The following FNBP4 variants were observed in gnomAD, a reference collection of about 807,000 sequenced individuals.
FNBP4 encodes formin-binding protein 4.
FNBP4 carries 34 observed loss-of-function variants against 119.3 expected under a neutral mutation model. The ratio of observed to expected loss-of-function variants is 0.28; its 90% CI spans 0.22 to 0.38. FNBP4 has a LOEUF of 0.38. Ranked by LOEUF, FNBP4 falls within the 10% of genes least tolerant of loss-of-function variation. The pLI is 1.00. For missense variants in FNBP4, 1,112 were observed against 1,228.9 expected, an observed-to-expected ratio of 0.90 and a Z score of 1.42; for synonymous variants, 462 against 430.6, an observed-to-expected ratio of 1.07 and a Z score of -0.90.
At chr11:47,730,216 T>C (rs1599173922) in intron 12 of FNBP4, 2 of 985,208 alleles carry the variant, frequency 2.0e-6, no homozygotes, top group East Asian at 1.1e-4. Context: ...AAAGAACCAA[T>C]ATATTATTAG....
At chr11:47,735,563 A>C (rs2097572871) in intron 9 of FNBP4, among the ~76,000 whole-genome samples, 2 of 152,212 alleles carry the variant, frequency 1.3e-5, no homozygotes, top group Non-Finnish European at 2.9e-5. Context: ...TTTCTCCCAA[A>C]CTAGAGAAGC....
At chr11:47,726,138 T>C (rs1351061374) in intron 12 of FNBP4, 1 of 152,174 alleles carries the variant, frequency 6.6e-6, no homozygotes, top group Admixed American at 6.6e-5. Context: ...TCAAAAGTGG[T>C]AGATTAAATA....
At chr11:47,750,815 AT>A in intron 6 of FNBP4, 100 bp downstream of exon 6, 1 of 1,235,956 alleles carries the variant, frequency 8.1e-7, no homozygotes, top group Non-Finnish European at 1.1e-6. Flanking sequence ...CCTATTTCAC[AT>A]GTATGACATA....
chr11:47,720,135 A>C (rs1374367146), intron 15 of FNBP4, 49 bp from the exon 16 acceptor site: 1 of 1,550,238 alleles, frequency 6.5e-7, no homozygotes, highest in African/African-American at 1.4e-5. Context: ...TAAAATAAGG[A>C]TAAGCGTCCT....
intron 2 of FNBP4, among the ~76,000 whole-genome samples, chr11:47,755,964 T>C (rs2097616858): frequency 6.6e-6 from 1 of 152,230 alleles, no homozygotes. Flanking sequence ...AATTACAGTG[T>C]AGCAGCTGAA....
intron 2 of FNBP4, among the ~76,000 whole-genome samples, chr11:47,757,317 C>A (rs919281478): frequency 6.6e-6 from 1 of 152,154 alleles, no homozygotes; most frequent in African/African-American, 2.4e-5. Context: ...CAGGTTCACG[C>A]CATTCTCCTG....
In FNBP4 at chr11:47,717,404, G is replaced by A. The variant is rs1331807325; in HGVS notation, c.*18C>T. The A allele has an allele frequency of 4.4e-6, 7 of 1,574,368 alleles. No individual in the cohort carries two copies. The highest frequency in any genetic ancestry group is 6.1e-6 in the Non-Finnish European group (7 of 1,151,116). ...ACAAAACAAACAATAATACAAAAAA[G>A]TTTTAAAAACTTAAAAACTATGTGT... On this transcript the variant is annotated 3_prime_UTR_variant, in exon 17 of 17. Transcript: ENST00000263773.
At chr11:47,734,002 A>AC in intron 10 of FNBP4, 23 bp downstream of exon 10, 1 of 470,348 alleles carries the variant, frequency 2.1e-6, no homozygotes, top group Non-Finnish European at 3.0e-6. Context: ...GTTTATGCCA[A>AC]AAAAAAAAAA....
intron 6 of FNBP4, among the ~76,000 whole-genome samples, chr11:47,749,602 C>A (rs1398434312): frequency 4.6e-5 from 7 of 151,988 alleles, no homozygotes; most frequent in Admixed American, 4.6e-4. Flanking sequence ...GCAAAAAAGT[C>A]TTTAAAATTG....
chr11:47,760,645 G>A (rs7109443), intron 2 of FNBP4, among the ~76,000 whole-genome samples: 2,244 of 152,168 alleles, frequency 0.015, 27 homozygotes, highest in Non-Finnish European at 0.023. Flanking sequence ...TGTTGGCCAG[G>A]CTGATCTAGA....
rs911805573 is a variant in FNBP4 at position 47,755,067 on chromosome 11, G to C, written c.314-403C>G. 5.3e-5 allele frequency among the ~76,000 whole-genome samples: 8 copies of C among 151,344 alleles called. No homozygotes were observed. In the Admixed American group the frequency reaches 5.3e-4, roughly 10 times the overall value. On this transcript the variant is annotated intron_variant, in intron 2 of 16. Transcript: ENST00000263773. The stretch of plus-strand genomic sequence containing the variant: ...GAGAAGTGCTTGAACCTGGGAGGCA[G>C]AGGTTGCAGTGAGCCAAGATCACGC...
chr11:47,763,645 C>T (rs1160342546), intron 2 of FNBP4, among the ~76,000 whole-genome samples: 1 of 151,862 alleles, frequency 6.6e-6, no homozygotes, highest in African/African-American at 2.4e-5. Flanking sequence ...GGACTACAGG[C>T]GCCCGCCACC....
rs11039367 is a variant in FNBP4, at chr11:47,754,072, G to T, written c.450+456C>A. 4.3e-3 allele frequency among the ~76,000 whole-genome samples: 650 copies of T among 151,934 alleles called. 3 individuals are homozygous for T. The highest frequency in any genetic ancestry group is 8.6e-3 in the Admixed American group (131 of 15,218). Reference sequence around the variant, plus strand: ...ATACAAAAATCAGCTGGGTGTGGTGGCACATACCTGTAGCCCCAGCTACTC... The same window carrying T: ...ATACAAAAATCAGCTGGGTGTGGTGTCACATACCTGTAGCCCCAGCTACTC... On this transcript the variant is annotated intron_variant, in intron 3 of 16. Transcript: ENST00000263773.
intron 15 of FNBP4, 48 bp downstream of exon 15, chr11:47,722,928 C>G: frequency 6.9e-7 from 1 of 1,449,934 alleles, no homozygotes; most frequent in Non-Finnish European, 9.0e-7. Flanking sequence ...AATATAACCT[C>G]AATAAAATTT....
Position 47,724,114 on chromosome 11 carries a change from G to A in FNBP4, c.2378C>T (p.Ala793Val). ...AACCACTGCAGTGCTAATTTCTGTA[G>A]CTTTCCTCTTTATTCCTTTAGTGGA... ...SSSTKGIKRK[A>V]TEISTAVVQR... Residue 793 changes from alanine to valine, a missense_variant, in exon 14 of 17, where the codon GCT (alanine) becomes GTT (valine). By Grantham distance (64) the Ala-to-Val change is moderately conservative. Coordinates refer to ENST00000263773, the MANE Select transcript of FNBP4 (RefSeq NM_015308.5). 1.2e-6 allele frequency: 2 copies of A among 1,614,190 alleles called. No individual in the cohort carries two copies. The highest frequency in any genetic ancestry group is 1.1e-5 in the South Asian group (1 of 91,092).
At chr11:47,734,983 C>CA (rs1338549867) in intron 9 of FNBP4, among the ~76,000 whole-genome samples, 3 of 110,354 alleles carry the variant, frequency 2.7e-5, no homozygotes, top group East Asian at 2.4e-4. Flanking sequence ...CCAACACCCC[C>CA]CCCCCCAAAA....
At position 47,724,753 on chromosome 11, in the gene FNBP4, A is replaced by G. The variant is rs1466654610; in HGVS notation, c.2034T>C (p.Ser678=). ...TGAGTGATGAAGAAGAAACTTGACC[A>G]GAAAAGGATTCTTTACAAAGAGAAC... ...STGSLCKESF[S]GQVSSSSLMP... is the part of the protein sequence containing the mutation. Residue 678 remains serine (S), a synonymous_variant, in exon 13 of 17, where the codon TCT becomes TCC. Coordinates refer to ENST00000263773, the MANE Select transcript of FNBP4 (RefSeq NM_015308.5). 6.4e-7 allele frequency: 1 copy of G among 1,567,926 alleles called. No individual in the cohort carries two copies. Among genetic ancestry groups the G allele is most frequent in the Non-Finnish European group, 8.6e-7 (1 of 1,156,896 alleles).
chr11:47,719,566 TTATGTGTGTA>T (rs896641557), intron 16 of FNBP4, among the ~76,000 whole-genome samples: 1 of 129,832 alleles, frequency 7.7e-6, no homozygotes, highest in African/African-American at 2.9e-5. Context: ...AGTTAATATG[TTATGTGTGTA>T]TGTGTGTGTG....
Position 47,765,873 on chromosome 11 carries a change from G to A in FNBP4, c.221-511C>T, listed in dbSNP as rs1449452785. Among the ~76,000 whole-genome samples the A allele has an allele frequency of 2.6e-3, 8 of 3,052 alleles. No homozygotes were observed. The East Asian group carries it at 0.13, about 51-fold the overall frequency. 2.0% of individuals were successfully genotyped at this position (3,052 alleles called of 152,430 possible). A position where few individuals can be genotyped will look rare whatever the true frequency, so the allele number is the denominator to read the frequency against. On this transcript the variant is annotated intron_variant, in intron 1 of 16. Transcript: ENST00000263773. ...AATCTTTTTTTTTTTTTTTTTTTGA[G>A]ACGGAGTTTCGCTCTTGTCGCCCAG...
Sources: gnomAD v4.1 joint callset for allele counts (sites outside exome capture counted in the v4.1 genomes callset) on GRCh38, gnomAD v4.1.1 for gene constraint, MANE v1.5 for transcripts, NCBI Gene and HGNC (gene_info 2026-07-23, HGNC 2026-07-21) for gene names.